ADORA2A: variants seen among roughly 807,000 people sequenced by gnomAD.
ADORA2A encodes adenosine A2a receptor, also known as adenosine receptor A2a.
Under a neutral mutation model 18.4 loss-of-function variants are expected in ADORA2A, and 11 were observed. The observed-to-expected ratio is 0.60, with a 90% CI of 0.38 to 0.99. ADORA2A has a LOEUF of 0.99. Among genes scored for constraint, ADORA2A ranks in the 50% least tolerant of loss-of-function variants. ADORA2A has a pLI of 0.01. For synonymous variants in ADORA2A, 218 were observed against 237.3 expected, an observed-to-expected ratio of 0.92 and a Z score of 0.75; for missense variants, 449 against 556.1, an observed-to-expected ratio of 0.81 and a Z score of 1.94.
chr22:24,440,578 C>T lies in ADORA2A; in HGVS notation c.333-5C>T, dbSNP rs1397210836. 5 of 1,551,436 alleles carry T rather than the reference C, an allele frequency of 3.2e-6. No individual in the cohort carries two copies. The highest frequency in any genetic ancestry group is 4.4e-6 in the Non-Finnish European group (5 of 1,146,798). On this transcript the variant is annotated splice_polypyrimidine_tract_variant and splice_region_variant and intron_variant, in intron 2 of 2. Transcript: ENST00000337539. ...AGATCTCTGATGCTGGTCTCTTCTC[C>T]CCAGGTACAATGGCTTGGTGACCGG... is the stretch of plus-strand genomic sequence containing the variant.
At chr22:24,434,774 T>G (rs1367795340) in intron 2 of ADORA2A, among the ~76,000 whole-genome samples, 1 of 152,236 alleles carries the variant, frequency 6.6e-6, no homozygotes, top group African/African-American at 2.4e-5. Context: ...CCCAGCTAGA[T>G]GAGCAAATGG....
chr22:24,442,334 C>T lies in ADORA2A; in HGVS notation c.*845C>T, dbSNP rs1194031194. The T allele has an allele frequency of 1.3e-5, 2 of 152,810 alleles. No homozygotes were observed. The highest frequency in any genetic ancestry group is 6.5e-5 in the Admixed American group (1 of 15,290). 9.5% of individuals were successfully genotyped at this position (152,810 alleles called of 1,614,324 possible). A position where few individuals can be genotyped will look rare whatever the true frequency, so the allele number is the denominator to read the frequency against. Reference sequence around the variant, plus strand: ...GAGATAAAATAAAAACGAGCCACATCGTGTTTTAAGCTTGTCCAAATGAGA... The same window carrying T: ...GAGATAAAATAAAAACGAGCCACATTGTGTTTTAAGCTTGTCCAAATGAGA... On this transcript the variant is annotated 3_prime_UTR_variant, in exon 3 of 3. Transcript: ENST00000337539.
chr22:24,431,775 G>A, intron 1 of ADORA2A: 8 of 319,944 alleles, frequency 2.5e-5, no homozygotes, highest in South Asian at 1.8e-4. Flanking sequence ...CCATTCACAG[G>A]CTCGAAGGGG....
At chr22:24,439,002 C>T (rs1433912557) in intron 2 of ADORA2A, among the ~76,000 whole-genome samples, 1 of 148,832 alleles carries the variant, frequency 6.7e-6, no homozygotes, top group African/African-American at 2.4e-5. Context: ...GTTTGCTACC[C>T]GTGAATGAGA....
chr22:24,441,214 C>T lies in ADORA2A; in HGVS notation c.964C>T (p.Arg322Trp), dbSNP rs1056491606. The part of the protein sequence containing the change: ...EPFKAAGTSA[R>W]VLAAHGSDGE... ...TTTCAAGGCAGCTGGCACCAGTGCC[C>T]GGGTCTTGGCAGCTCATGGCAGTGA... Residue 322 changes from arginine (R) to tryptophan (W), a missense_variant, in exon 3 of 3, where the codon CGG becomes TGG. Physicochemically the swap from Arg to Trp is moderately radical, Grantham distance 101. Coordinates refer to ENST00000337539, the MANE Select transcript of ADORA2A (RefSeq NM_000675.6). 11 of 1,613,884 alleles carry T rather than the reference C, an allele frequency of 6.8e-6. No individual in the cohort carries two copies. Among genetic ancestry groups the T allele is most frequent in the African/African-American group, 2.7e-5 (2 of 74,934 alleles).
rs77804922 is a variant in ADORA2A, at chr22:24,434,061, G to A, written c.332+325G>A. Among the ~76,000 whole-genome samples, 1,101 of 152,338 alleles carry A rather than the reference G, an allele frequency of 7.2e-3. 3 individuals are homozygous for A. The highest frequency in any genetic ancestry group is 0.012 in the South Asian group (60 of 4,832). On this transcript the variant is annotated intron_variant, in intron 2 of 2. Transcript: ENST00000337539. The stretch of plus-strand genomic sequence containing the variant: ...CTGGCATTGGGCTTAGCAGGGAGCT[G>A]TGGTCCCAGTGACCCACGTGCTGCC...
intron 1 of ADORA2A, among the ~76,000 whole-genome samples, chr22:24,431,907 A>T (rs575011823): frequency 1.3e-5 from 2 of 152,200 alleles, no homozygotes; most frequent in South Asian, 4.1e-4. Context: ...TTTCCTTCTC[A>T]TAGAATCATG....
rs3032740 is a variant in ADORA2A at position 24,439,072 on chromosome 22, C to CTTTTTTTTTTTTTTTTTTTTTTTTTT, written c.333-1507_333-1482dup. Reference sequence around the variant, plus strand: ...GTAGAGCACATCCTTCCCCTTGCACCTTTTTTTTTTTTTTTTTTTTTTTTT... The same window carrying CTTTTTTTTTTTTTTTTTTTTTTTTTT: ...GTAGAGCACATCCTTCCCCTTGCACCTTTTTTTTTTTTTTTTTTTTTTTTTTTTTTTTTTTTTTTTTTTTTTTTTTT... On this transcript the variant is annotated intron_variant, in intron 2 of 2. Coordinates refer to ENST00000337539, the MANE Select transcript of ADORA2A (RefSeq NM_000675.6). 9.6e-5 allele frequency among the ~76,000 whole-genome samples: 7 copies of CTTTTTTTTTTTTTTTTTTTTTTTTTT among 73,102 alleles called. 1 individual carries two copies. The highest frequency in any genetic ancestry group is 1.6e-4 in the Non-Finnish European group (6 of 37,282). 48.0% of individuals were successfully genotyped at this position (73,102 alleles called of 152,430 possible).
At chr22:24,426,617 C>T (rs865927893), upstream of ADORA2A, among the ~76,000 whole-genome samples, 6 of 152,114 alleles carry the variant, frequency 3.9e-5, no homozygotes, top group Non-Finnish European at 4.4e-5. Context: ...ACATCCTGTG[C>T]AGAACCTGGG....
chr22:24,441,525 G>A lies in ADORA2A; in HGVS notation c.*36G>A, dbSNP rs749176823. ...AGTTTGCCCCTTCCTAAGGGAAGGA[G>A]ATCTTTATCTTTCTGGTTGGCTTGA... On this transcript the variant is annotated 3_prime_UTR_variant, in exon 3 of 3. Coordinates refer to ENST00000337539, the MANE Select transcript of ADORA2A (RefSeq NM_000675.6). 8.8e-6 allele frequency: 13 copies of A among 1,472,372 alleles called. No individual in the cohort carries two copies. Among genetic ancestry groups the A allele is most frequent in the Non-Finnish European group, 1.1e-5 (12 of 1,112,190 alleles). The allele number at this position is 1,472,372 out of a possible 1,614,324, so 91.2% of individuals were successfully genotyped here.
chr22:24,428,542 T>C (rs6004154), intron 1 of ADORA2A, among the ~76,000 whole-genome samples: 104 of 152,380 alleles, frequency 6.8e-4, no homozygotes, highest in African/African-American at 2.2e-3. Flanking sequence ...GTTCTCATTC[T>C]TGTCTACGGA....
Position 24,433,176 on chromosome 22 carries a change from C to A in ADORA2A, c.-229C>A, listed in dbSNP as rs202240201. On this transcript the variant is annotated 5_prime_UTR_variant, in exon 2 of 3. Transcript: ENST00000337539. ...CTGGGCTGAGCCATGATGCTGCTGC[C>A]AGAACCCCTGCAGAGGGCCTGGTTT... 1.7e-6 allele frequency: 1 copy of A among 589,774 alleles called. No individual in the cohort carries two copies. The highest frequency in any genetic ancestry group is 3.0e-6 in the Non-Finnish European group (1 of 330,854). The allele number at this position is 589,774 out of a possible 1,614,324, so 36.5% of individuals were successfully genotyped here.
At chr22:24,427,837 G>GC (rs976579081) in intron 1 of ADORA2A, 91 bp downstream of exon 1, 2 of 152,400 alleles carry the variant, frequency 1.3e-5, no homozygotes, top group Non-Finnish European at 2.9e-5. Context: ...AGGAGCTGGG[G>GC]CCCCCAGCAC....
chr22:24,424,936 TG>T (rs2081481200), upstream of ADORA2A, among the ~76,000 whole-genome samples: 1 of 152,052 alleles, frequency 6.6e-6, no homozygotes, highest in South Asian at 2.1e-4. This position sits in a 1 kb window ranked among gnomAD's most constrained non-coding sequence, Gnocchi z 4.9. Flanking sequence ...GGTCCTAGGC[TG>T]GGGGAGTCGG....
intron 1 of ADORA2A, among the ~76,000 whole-genome samples, chr22:24,428,302 C>T (rs2042950142): frequency 6.6e-6 from 1 of 152,212 alleles, no homozygotes; most frequent in African/African-American, 2.4e-5. Context: ...GCTTCTCAGT[C>T]CACCCCATGC....
upstream of ADORA2A, among the ~76,000 whole-genome samples, chr22:24,424,156 C>T (rs1206872988): frequency 6.6e-6 from 1 of 151,872 alleles, no homozygotes; most frequent in African/African-American, 2.4e-5. The surrounding 1 kb of genome is among the most constrained non-coding windows in gnomAD (Gnocchi z 4.9). Context: ...GCGCGGGGTC[C>T]GAGTCCTGCC....
At chr22:24,436,903 G>A (rs2043192472) in intron 2 of ADORA2A, among the ~76,000 whole-genome samples, 1 of 152,190 alleles carries the variant, frequency 6.6e-6, no homozygotes. Context: ...ACTGGGTAGG[G>A]AAGGGTGGCC....
chr22:24,434,088 G>T (rs1422821202), intron 2 of ADORA2A, among the ~76,000 whole-genome samples: 2 of 152,248 alleles, frequency 1.3e-5, no homozygotes, highest in African/African-American at 4.8e-5. Flanking sequence ...CGTGCTGCCA[G>T]CGGGTGTGTC....
intron 1 of ADORA2A, among the ~76,000 whole-genome samples, chr22:24,429,034 ACT>A (rs2042964107): frequency 6.6e-6 from 1 of 152,254 alleles, no homozygotes; most frequent in African/African-American, 2.4e-5. Context: ...GAGTCCGTGC[ACT>A]GTGTCCTGTA....
Sources: allele counts gnomAD v4.1 joint callset (sites outside exome capture counted in the v4.1 genomes callset), GRCh38; gene constraint gnomAD v4.1.1; non-coding constraint Gnocchi (gnomAD v3.1); transcripts MANE v1.5; gene names NCBI Gene and HGNC (gene_info 2026-07-23, HGNC 2026-07-21).